Variants in MTMR8 observed in about 807,000 individuals in gnomAD.
MTMR8 encodes the protein myotubularin related protein 8.
MTMR8 carries 65 observed loss-of-function variants against 39.3 expected under a neutral mutation model. The observed-to-expected ratio is 1.65, with a 90% CI of 1.35 to 2.03. MTMR8 has a LOEUF of 2.03. MTMR8 is among the 30% of genes most tolerant of loss of function. MTMR8 has a pLI of 0.00. For synonymous variants in MTMR8, 245 were observed against 185.2 expected, an observed-to-expected ratio of 1.32 and a Z score of -2.62; for missense variants, 777 against 538.9, an observed-to-expected ratio of 1.44 and a Z score of -4.37.
At chrX:64,295,313 C>T (rs983759580) in intron 12 of MTMR8, among the ~76,000 whole-genome samples, 1 of 111,137 alleles carries the variant, frequency 9.0e-6, no homozygotes, top group Admixed American at 9.6e-5. Flanking sequence ...AGAACTAAAA[C>T]TGTAAAATTC....
chrX:64,390,358 A>G (rs909111717), intron 1 of MTMR8, among the ~76,000 whole-genome samples: 6 of 112,344 alleles, frequency 5.3e-5, no homozygotes, highest in Non-Finnish European at 1.1e-4. Flanking sequence ...TTTTATTATT[A>G]CTATCCAGGA....
chrX:64,273,330 T>C (rs903277588), intron 12 of MTMR8, among the ~76,000 whole-genome samples: 13 of 110,021 alleles, frequency 1.2e-4, no homozygotes, highest in Non-Finnish European at 2.1e-4. Flanking sequence ...GTGTGCATAA[T>C]TGAAGTTAAG....
In MTMR8 at chrX:64,356,242, A is replaced by T; in HGVS notation, c.244T>A (p.Phe82Ile). 1 of 1,209,652 alleles carries T rather than the reference A, an allele frequency of 8.3e-7. No individual in the cohort carries two copies. Among genetic ancestry groups the T allele is most frequent in the Non-Finnish European group, 1.1e-6 (1 of 894,347 alleles). Reference sequence around the variant, plus strand: ...CACACAAGGTCAGAATCTAAAACAAAGTGGGCCACCCGGAAATTCTTGCAG... The same window carrying T: ...CACACAAGGTCAGAATCTAAAACAATGTGGGCCACCCGGAAATTCTTGCAG... The part of the protein sequence containing the change: ...LRCKNFRVAH[F>I]VLDSDLVCHE... The change falls in exon 3 of 14, where the codon TTT becomes ATT. Residue 82 changes from phenylalanine to isoleucine, a missense_variant. Phe to Ile is a conservative substitution (Grantham distance 21, BLOSUM62 0). Coordinates refer to ENST00000374852, the MANE Select transcript of MTMR8 (RefSeq NM_017677.4).
intron 12 of MTMR8, among the ~76,000 whole-genome samples, chrX:64,325,686 T>C (rs1922770669): frequency 1.8e-5 from 2 of 112,454 alleles, no homozygotes; most frequent in South Asian, 7.3e-4. Flanking sequence ...AACACCATAT[T>C]GAACAGGGAA....
rs750670059 is a variant in MTMR8, at chrX:64,343,717, C to A, written c.869G>T (p.Cys290Phe). 6.0e-6 allele frequency: 7 copies of A among 1,172,756 alleles called. No homozygotes were observed. In the South Asian group the frequency reaches 9.1e-5, roughly 15 times the overall value. ...ACTCATTGTTGGAGTTTTCAATTCACAAACTAAGGTAGAAAAGGAAGCAGA... is the reference window on the plus strand; with the variant it reads ...ACTCATTGTTGGAGTTTTCAATTCAAAAACTAAGGTAGAAAAGGAAGCAGA... ...RSSLQKLLEV[C>F]ELKTPTMSEF... Residue 290 changes from cysteine to phenylalanine, a missense_variant, in exon 8 of 14, where the codon TGT (cysteine) becomes TTT (phenylalanine). Coordinates refer to ENST00000374852, the MANE Select transcript of MTMR8 (RefSeq NM_017677.4).
rs753769174 is a variant in MTMR8, at chrX:64,365,521, G to A, written c.25-5994C>T. On this transcript the variant is annotated intron_variant, in intron 1 of 13. Coordinates refer to ENST00000374852, the MANE Select transcript of MTMR8 (RefSeq NM_017677.4). ...TGTCCAGCCAAACTAAGCTTCATAA[G>A]TGAAGGAGAAATAAAATCCTTTACA... 2.3e-3 allele frequency among the ~76,000 whole-genome samples: 252 copies of A among 111,929 alleles called. 1 individual carries two copies. Among genetic ancestry groups the A allele is most frequent in the Non-Finnish European group, 4.1e-3 (220 of 53,242 alleles).
At chrX:64,295,838 G>C (rs926588711) in intron 12 of MTMR8, among the ~76,000 whole-genome samples, 2 of 111,899 alleles carry the variant, frequency 1.8e-5, no homozygotes, top group African/African-American at 6.5e-5. Flanking sequence ...AGAAAAAATA[G>C]AGTCCTTGTG....
In MTMR8 at chrX:64,343,535, T is replaced by C. The variant is rs1923268668; in HGVS notation, c.975+76A>G. 5.0e-6 allele frequency: 3 copies of C among 600,719 alleles called. No homozygotes were observed. In the Admixed American group the frequency reaches 9.7e-5, roughly 19 times the overall value. 49.5% of individuals were successfully genotyped at this position (600,719 alleles called of 1,213,427 possible). A position where few individuals can be genotyped will look rare whatever the true frequency, so the allele number is the denominator to read the frequency against. On this transcript the variant is annotated intron_variant, in intron 8 of 13. Transcript: ENST00000374852. ...AACTAGATTTCTTTTCAATATTCTT[T>C]CCACCATGGCACACTACTACTTCAA...
chrX:64,368,107 G>C (rs989347502), intron 1 of MTMR8, among the ~76,000 whole-genome samples: 2 of 111,356 alleles, frequency 1.8e-5, no homozygotes, highest in South Asian at 7.4e-4. Flanking sequence ...AAATAAAAGA[G>C]GACACAAACA....
chrX:64,388,907 G>T (rs768871014), intron 1 of MTMR8, among the ~76,000 whole-genome samples: 2 of 111,806 alleles, frequency 1.8e-5, no homozygotes, highest in Middle Eastern at 4.6e-3. Flanking sequence ...AAATTATCTT[G>T]TGGGACTAGT....
intron 12 of MTMR8, among the ~76,000 whole-genome samples, chrX:64,292,466 G>A (rs891304346): frequency 1.8e-5 from 2 of 110,758 alleles, no homozygotes; most frequent in African/African-American, 3.3e-5. Flanking sequence ...ACAGAGAGGA[G>A]GTAGAAACTC....
intron 12 of MTMR8, among the ~76,000 whole-genome samples, chrX:64,272,509 T>A (rs1282809605): frequency 1.8e-5 from 2 of 110,842 alleles, no homozygotes; most frequent in Non-Finnish European, 3.8e-5. Flanking sequence ...AATAAAAAAA[T>A]AAAATAGCTT....
At chrX:64,364,196 A>G (rs768404891) in intron 1 of MTMR8, among the ~76,000 whole-genome samples, 1 of 112,639 alleles carries the variant, frequency 8.9e-6, no homozygotes, top group African/African-American at 3.2e-5. Flanking sequence ...ACTGCTGCAG[A>G]CTTAAATGTC....
chrX:64,278,458 TG>T lies in MTMR8; in HGVS notation c.1482-7386del, dbSNP rs199808096. ...TTGATGTTGATGCTATTTATTTTGC[TG>T]GTTTTTTTTTTTTTTTTTTTTTTTT... On this transcript the variant is annotated intron_variant, in intron 12 of 13. Transcript: ENST00000374852. Among the ~76,000 whole-genome samples, 163 of 70,499 alleles carry T rather than the reference TG, an allele frequency of 2.3e-3. 41 individuals are homozygous for T. The highest frequency in any genetic ancestry group is 0.018 in the African/African-American group (148 of 8,359). The allele number at this position is 70,499 out of a possible 115,157, so 61.2% of individuals were successfully genotyped here. A position where few individuals can be genotyped will look rare whatever the true frequency, so the allele number is the denominator to read the frequency against.
chrX:64,303,169 T>A (rs1015761985), intron 12 of MTMR8, among the ~76,000 whole-genome samples: 1 of 112,760 alleles, frequency 8.9e-6, no homozygotes, highest in Non-Finnish European at 1.9e-5. Context: ...TGTAACCATT[T>A]TTTTTTATTT....
At chrX:64,283,125 C>G (rs759553176) in intron 12 of MTMR8, among the ~76,000 whole-genome samples, 1 of 112,084 alleles carries the variant, frequency 8.9e-6, no homozygotes, top group Admixed American at 9.4e-5. Context: ...CACTCCCACC[C>G]TAATACTGCG....
At chrX:64,269,772 A>T (rs987148524) in intron 13 of MTMR8, among the ~76,000 whole-genome samples, 2 of 110,751 alleles carry the variant, frequency 1.8e-5, no homozygotes, top group African/African-American at 6.6e-5. Context: ...TTCTAACTTA[A>T]CACTTATATT....
chrX:64,359,348 G>A, intron 2 of MTMR8, 57 bp downstream of exon 2: 2 of 1,102,378 alleles, frequency 1.8e-6, no homozygotes. Flanking sequence ...CTACCATATA[G>A]AGAGCATGTA....
At chrX:64,365,098 T>C (rs1216963312) in intron 1 of MTMR8, among the ~76,000 whole-genome samples, 3 of 110,597 alleles carry the variant, frequency 2.7e-5, no homozygotes, top group Non-Finnish European at 5.7e-5. Context: ...CTCCAAGAAA[T>C]ATGGGATTAT....
Sources: allele counts gnomAD v4.1 joint callset (sites outside exome capture counted in the v4.1 genomes callset), GRCh38; gene constraint gnomAD v4.1.1; transcripts MANE v1.5; gene names NCBI Gene and HGNC (gene_info 2026-07-23, HGNC 2026-07-21).